The following DUOX1 variants were observed in gnomAD, a reference collection of about 807,000 sequenced individuals.
The protein encoded by DUOX1 is dual oxidase 1.
In DUOX1, 134 loss-of-function variants were observed where a neutral mutation model predicts 181.8. That is an observed-to-expected ratio of 0.74 (90% confidence interval 0.64 to 0.85). The LOEUF (loss-of-function observed/expected upper bound fraction) is 0.85. Among genes scored for constraint, DUOX1 ranks in the 40% least tolerant of loss-of-function variants. The pLI is 0.00. For synonymous variants in DUOX1, 798 were observed against 832.5 expected, an observed-to-expected ratio of 0.96 and a Z score of 0.71; for missense variants, 1,814 against 2,064.4, an observed-to-expected ratio of 0.88 and a Z score of 2.35.
Position 45,144,095 on chromosome 15 carries a change from G to C in DUOX1, c.1996G>C (p.Gly666Arg). 6.2e-7 allele frequency: 1 copy of C among 1,614,016 alleles called. No homozygotes were observed. Among genetic ancestry groups the C allele is most frequent in the Non-Finnish European group, 8.5e-7 (1 of 1,180,050 alleles). ...GCCCGTGCTTGTGTACCTGCAGCCCGGGCAGATCCGTGTGGTAGATGGCAG... is the reference window on the plus strand; with the variant it reads ...GCCCGTGCTTGTGTACCTGCAGCCCCGGCAGATCCGTGTGGTAGATGGCAG... Reference protein sequence around the residue: ...CRPVLVYLQPGQIRVVDGRLT... With the variant: ...CRPVLVYLQPRQIRVVDGRLT... Residue 666 changes from glycine to arginine, a missense_variant, in exon 17 of 34, where the codon GGG (glycine) becomes CGG (arginine). Coordinates refer to ENST00000389037, the MANE Select transcript of DUOX1 (RefSeq NM_175940.3).
intron 28 of DUOX1, among the ~76,000 whole-genome samples, chr15:45,157,178 C>T (rs1896987902): frequency 6.6e-6 from 1 of 152,236 alleles, no homozygotes; most frequent in Admixed American, 6.5e-5. Flanking sequence ...CTCAGCATTT[C>T]ACAGTTCTGA....
intron 18 of DUOX1, among the ~76,000 whole-genome samples, chr15:45,146,392 G>T (rs1485431732): frequency 6.6e-6 from 1 of 152,158 alleles, no homozygotes; most frequent in Non-Finnish European, 1.5e-5. Flanking sequence ...CCTTCCCAGA[G>T]CCCAGGCAGG....
chr15:45,152,187 G>A, intron 24 of DUOX1, 99 bp from the exon 25 acceptor site: 1 of 1,467,254 alleles, frequency 6.8e-7, no homozygotes, highest in Non-Finnish European at 9.2e-7. Flanking sequence ...GTGCGGGGGA[G>A]GCCTGTTGTG....
At chr15:45,162,071 A>T in intron 30 of DUOX1, 101 bp downstream of exon 30, 1 of 1,461,314 alleles carries the variant, frequency 6.8e-7, no homozygotes, top group African/African-American at 1.4e-5. Flanking sequence ...CCCTCTCTGC[A>T]TCTAGAGACT....
intron 12 of DUOX1, chr15:45,140,422 G>A (rs1352089428): frequency 5.5e-6 from 1 of 181,172 alleles, no homozygotes; most frequent in South Asian, 1.2e-4. Flanking sequence ...TATTTACACT[G>A]TGGAGAAAAG....
chr15:45,141,238 CT>C, intron 13 of DUOX1, 53 bp from the exon 14 acceptor site: 1 of 1,599,986 alleles, frequency 6.3e-7, no homozygotes, highest in East Asian at 2.2e-5. Context: ...CCTGGGGTTG[CT>C]GGAGGCCTGC....
rs769353925 is a variant in DUOX1 at position 45,144,921 on chromosome 15, G to A, written c.2163G>A (p.Glu721=). The change falls in exon 18 of 34, where the codon GAG becomes GAA. Residue 721 remains glutamate (E), a synonymous_variant. Coordinates refer to ENST00000389037, the MANE Select transcript of DUOX1 (RefSeq NM_175940.3). The part of the protein sequence containing the change: ...DLVLLFNLEE[E]RQALVENLRG... The stretch of plus-strand genomic sequence containing the variant: ...TGCTGCTGTTTAACTTGGAGGAAGA[G>A]CGGCAGGCGCTGGTGGAAAATCTCC... 3.1e-5 allele frequency: 50 copies of A among 1,612,562 alleles called. No individual in the cohort carries two copies. Among genetic ancestry groups the A allele is most frequent in the Non-Finnish European group, 4.2e-5 (49 of 1,179,550 alleles).
rs754376909 is a variant in DUOX1 at position 45,163,912 on chromosome 15, C to T, written c.4527C>T (p.His1509=). 3.1e-6 allele frequency: 5 copies of T among 1,613,866 alleles called. No individual in the cohort carries two copies. The African/African-American group carries it at 4.0e-5, about 13-fold the overall frequency. The change falls in exon 33 of 34, where the codon CAC becomes CAT. Residue 1509 remains histidine (H), a synonymous_variant. Coordinates refer to ENST00000389037, the MANE Select transcript of DUOX1 (RefSeq NM_175940.3). ...TCTTCAACTCCCTGCAGGAGGTCCA[C>T]CCCCAGGTCAGTCCAACCCATAACC... The part of the protein sequence containing the change: ...EPFFNSLQEV[H]PQVRKIGVFS...
chr15:45,152,230 C>G lies in DUOX1; in HGVS notation c.3194-56C>G, dbSNP rs1896830694. The G allele has an allele frequency of 2.6e-6, 4 of 1,537,586 alleles. No homozygotes were observed. In the East Asian group the frequency reaches 9.3e-5, roughly 36 times the overall value. On this transcript the variant is annotated intron_variant, in intron 24 of 33. Coordinates refer to ENST00000389037, the MANE Select transcript of DUOX1 (RefSeq NM_175940.3). Reference sequence around the variant, plus strand: ...GCCGGCCAGGGCCTACCGCCCCTAACCAGCTCTCTGTCCTCTGCACTGACC... The same window carrying G: ...GCCGGCCAGGGCCTACCGCCCCTAAGCAGCTCTCTGTCCTCTGCACTGACC...
At chr15:45,133,988 G>T (rs750821535) in intron 3 of DUOX1, 41 bp downstream of exon 3, 1 of 1,607,706 alleles carries the variant, frequency 6.2e-7, no homozygotes, top group South Asian at 1.1e-5. Flanking sequence ...CAGGGCCAGG[G>T]GGGTACTGAG....
chr15:45,164,871 T>C lies in DUOX1; in HGVS notation c.4626T>C (p.Thr1542=). 1 of 1,614,174 alleles carries C rather than the reference T, an allele frequency of 6.2e-7. No individual in the cohort carries two copies. Among genetic ancestry groups the C allele is most frequent in the Non-Finnish European group, 8.5e-7 (1 of 1,180,014 alleles). The change falls in exon 34 of 34, where the codon ACT becomes ACC. Residue 1542 remains threonine (T), a synonymous_variant. Transcript: ENST00000389037. ...ACQLINRQDR[T]HFSHHYENF ...AGCTCATCAACAGGCAGGACCGGACTCACTTCTCCCACCATTATGAGAACT... is the reference window on the plus strand; with the variant it reads ...AGCTCATCAACAGGCAGGACCGGACCCACTTCTCCCACCATTATGAGAACT...
Position 45,160,834 on chromosome 15 carries a change from T to C in DUOX1, c.3703-3T>C, listed in dbSNP as rs3784584. ...TCTGAGCAGAGCTCTTTCCTCCATC[T>C]AGCTCATCATCCATGGTAGCTTTGC... On this transcript the variant is annotated splice_region_variant and splice_polypyrimidine_tract_variant and intron_variant, in intron 28 of 33. Transcript: ENST00000389037. 239,152 of 1,599,614 alleles carry C rather than the reference T, an allele frequency of 0.15. 23,271 individuals carry two copies. The highest frequency in any genetic ancestry group is 0.44 in the East Asian group (19,785 of 44,796).
Position 45,139,596 on chromosome 15 carries a change from C to A in DUOX1, c.1386C>A (p.Asp462Glu). 6.3e-7 allele frequency: 1 copy of A among 1,581,012 alleles called. No individual in the cohort carries two copies. Among genetic ancestry groups the A allele is most frequent in the Non-Finnish European group, 8.6e-7 (1 of 1,164,760 alleles). Reference sequence around the variant, plus strand: ...ACCCTGCACTCTCCCGGAGCAATGACACTGTGAGGAGGGGTCAGGACCCAG... The same window carrying A: ...ACCCTGCACTCTCCCGGAGCAATGAAACTGTGAGGAGGGGTCAGGACCCAG... ...DINPALSRSN[D>E]TVLEATAALY... The change falls in exon 12 of 34, where the codon GAC becomes GAA. Residue 462 changes from aspartate (D) to glutamate (E), a missense_variant. By Grantham distance (45) the Asp-to-Glu change is conservative. Around this residue, in one of 5 missense-constraint regions of DUOX1, gnomAD observed 1,064 missense variants for 1,152.9 expected, o/e 0.92. Transcript: ENST00000389037.
intron 30 of DUOX1, 95 bp downstream of exon 30, chr15:45,162,065 C>T: frequency 2.7e-6 from 4 of 1,462,542 alleles, no homozygotes; most frequent in Non-Finnish European, 3.7e-6. Context: ...TGCCTCCCCT[C>T]TCTGCATCTA....
intron 7 of DUOX1, 80 bp downstream of exon 7, chr15:45,136,028 A>G (rs1302347563): frequency 1.5e-6 from 2 of 1,304,340 alleles, no homozygotes; most frequent in Non-Finnish European, 2.1e-6. Context: ...GGAGCTCCCC[A>G]TCTGTGGACA....
rs528020714 is a variant in DUOX1 at position 45,151,794 on chromosome 15, G to A, written c.3015-80G>A. On this transcript the variant is annotated intron_variant, in intron 23 of 33. Transcript: ENST00000389037. ...CAGTGGGCTTCCCTCACTTCTGGGC[G>A]GCTCACCTCCGTGAAGTGGGGCCCC... 2.1e-5 allele frequency: 31 copies of A among 1,446,022 alleles called. No homozygotes were observed. In the South Asian group the frequency reaches 3.1e-4, roughly 15 times the overall value. The allele number at this position is 1,446,022 out of a possible 1,614,324, so 89.6% of individuals were successfully genotyped here.
At chr15:45,132,128 G>A (rs1336314288) in intron 2 of DUOX1, 104 bp downstream of exon 2, 15 of 1,033,780 alleles carry the variant, frequency 1.5e-5, no homozygotes, top group Non-Finnish European at 2.1e-5. Flanking sequence ...TGTATCTTTA[G>A]TCTCTAGCTG....
At chr15:45,132,469 A>G (rs570617675) in intron 2 of DUOX1, among the ~76,000 whole-genome samples, 1 of 152,356 alleles carries the variant, frequency 6.6e-6, no homozygotes, top group Non-Finnish European at 1.5e-5. Context: ...AATATCTTCC[A>G]TAAGAGTTTC....
At chr15:45,151,270 A>C (rs374832445) in intron 23 of DUOX1, 22 bp downstream of exon 23, 23 of 1,609,504 alleles carry the variant, frequency 1.4e-5, no homozygotes, top group Non-Finnish European at 1.9e-5. Flanking sequence ...CTTCCCCTTA[A>C]GCCCAGGCAG....
Sources: gnomAD v4.1 joint callset for allele counts (sites outside exome capture counted in the v4.1 genomes callset) on GRCh38, gnomAD v4.1.1 for gene constraint, gnomAD v4.1.1 regional missense constraint, MANE v1.5 for transcripts, NCBI Gene and HGNC (gene_info 2026-07-23, HGNC 2026-07-21) for gene names.